Variants in CA10 observed in about 807,000 individuals in gnomAD.
CA10 encodes the protein carbonic anhydrase-related protein 10.
CA10 carries 14 observed loss-of-function variants against 44.2 expected under a neutral mutation model. That is an observed-to-expected ratio of 0.32 (90% confidence interval 0.21 to 0.50). The LOEUF is 0.50. CA10 is among the 20% of genes least tolerant of loss of function. The pLI is 0.99. For synonymous variants in CA10, 159 were observed against 141.6 expected (o/e 1.12, Z -0.87); for missense variants, 350 against 409.7 (o/e 0.85, Z 1.26).
At chr17:52,134,851 C>A (rs770074799) in intron 1 of CA10, 4 of 518,812 alleles carry the variant, frequency 7.7e-6, no homozygotes, top group African/African-American at 5.8e-5. Flanking sequence ...CATGCATGAG[C>A]CAGAACCCTG....
chr17:51,728,830 A>T (rs1357065460), intron 4 of CA10, among the ~76,000 whole-genome samples: 8 of 152,340 alleles, frequency 5.3e-5, no homozygotes, highest in African/African-American at 1.9e-4. Flanking sequence ...GTAAAAGGAG[A>T]TAGAAAATAA....
intron 3 of CA10, among the ~76,000 whole-genome samples, chr17:51,775,327 G>A (rs1239474407): frequency 6.6e-6 from 1 of 152,178 alleles, no homozygotes; most frequent in Non-Finnish European, 1.5e-5. Context: ...TGTGGACAAT[G>A]CTCTCAAATT....
At chr17:51,963,214 T>A (rs929877852) in intron 2 of CA10, among the ~76,000 whole-genome samples, 2 of 151,766 alleles carry the variant, frequency 1.3e-5, no homozygotes, top group African/African-American at 4.8e-5. Context: ...AGACAAAAAT[T>A]AAGAAAAAAA....
chr17:51,768,712 T>C (rs1905483558), intron 3 of CA10, among the ~76,000 whole-genome samples: 1 of 152,212 alleles, frequency 6.6e-6, no homozygotes, highest in Non-Finnish European at 1.5e-5. Flanking sequence ...TAGAAAACTT[T>C]GCTTATGCTT....
intron 3 of CA10, among the ~76,000 whole-genome samples, chr17:51,838,668 G>C (rs549968849): frequency 2.6e-5 from 4 of 152,340 alleles, no homozygotes; most frequent in Admixed American, 1.3e-4. Context: ...ATGAGACACT[G>C]CATAGTAAAG....
At position 51,642,468 on chromosome 17, in the gene CA10, G is replaced by A. The variant is rs115969535; in HGVS notation, c.635-6459C>T. On this transcript the variant is annotated intron_variant, in intron 6 of 8. Coordinates refer to ENST00000451037, the MANE Select transcript of CA10 (RefSeq NM_020178.5). ...CATCTTTTAGCTGAATAGAAGATCTGGGGGTTGGGGGAAGTAAAGCAAAGT... is the reference window on the plus strand; with the variant it reads ...CATCTTTTAGCTGAATAGAAGATCTAGGGGTTGGGGGAAGTAAAGCAAAGT... Among the ~76,000 whole-genome samples, 953 of 152,284 alleles carry A rather than the reference G, an allele frequency of 6.3e-3. 10 individuals carry two copies. Among genetic ancestry groups the A allele is most frequent in the African/African-American group, 0.022 (913 of 41,560 alleles).
At chr17:51,947,030 G>A (rs983197603) in intron 2 of CA10, among the ~76,000 whole-genome samples, 1 of 151,932 alleles carries the variant, frequency 6.6e-6, no homozygotes, top group African/African-American at 2.4e-5. Context: ...ATATTGATAA[G>A]CAGAGAGAAA....
At chr17:51,891,167 G>T (rs747961054) in intron 3 of CA10, among the ~76,000 whole-genome samples, 1 of 152,182 alleles carries the variant, frequency 6.6e-6, no homozygotes, top group Non-Finnish European at 1.5e-5. Flanking sequence ...TTACCACGGA[G>T]ACACTAAGGA....
chr17:51,871,394 A>ATTT (rs11438821), intron 3 of CA10, among the ~76,000 whole-genome samples: 919 of 81,276 alleles, frequency 0.011, 49 homozygotes, highest in South Asian at 0.054. Flanking sequence ...ACCAGGCCTA[A>ATTT]TTTTTTTTTT....
chr17:51,687,622 C>T (rs1915051630), intron 4 of CA10, among the ~76,000 whole-genome samples: 1 of 152,156 alleles, frequency 6.6e-6, no homozygotes, highest in Non-Finnish European at 1.5e-5. Context: ...AAGTTTTTGT[C>T]AATCCATAGT....
At chr17:51,759,717 C>T (rs2519749) in intron 3 of CA10, among the ~76,000 whole-genome samples, 103,362 of 151,838 alleles carry the variant, frequency 0.68, 35,310 homozygotes, top group Admixed American at 0.76. Context: ...GTCTTCCTCT[C>T]CTGAGCTTCC....
intron 1 of CA10, among the ~76,000 whole-genome samples, 194 bp from the exon 2 acceptor site, chr17:52,072,587 T>C (rs1246265331): frequency 6.6e-6 from 1 of 151,814 alleles, no homozygotes; most frequent in African/African-American, 2.4e-5. Context: ...AAAACATTTT[T>C]ATTGAAAGTT....
chr17:52,115,519 C>T (rs1277601931), intron 1 of CA10, among the ~76,000 whole-genome samples: 2 of 152,154 alleles, frequency 1.3e-5, no homozygotes, highest in African/African-American at 2.4e-5. Flanking sequence ...CAGTCCAGCC[C>T]AGTTTTTTCT....
At chr17:51,990,689 T>A (rs1985009140) in intron 2 of CA10, among the ~76,000 whole-genome samples, 1 of 152,124 alleles carries the variant, frequency 6.6e-6, no homozygotes, top group African/African-American at 2.4e-5. Context: ...CATGACTGCT[T>A]TTTGGAAAGG....
intron 2 of CA10, among the ~76,000 whole-genome samples, chr17:51,955,132 G>C (rs1439460080): frequency 6.6e-6 from 1 of 152,104 alleles, no homozygotes; most frequent in Non-Finnish European, 1.5e-5. Context: ...AAGGAATAGA[G>C]TGAAAAAGAG....
intron 2 of CA10, among the ~76,000 whole-genome samples, chr17:51,959,273 T>TCTCTCG (rs71149385): frequency 0.11 from 12,566 of 118,238 alleles, 925 homozygotes; most frequent in East Asian, 0.31. Flanking sequence ...TCTCTCTCGC[T>TCTCTCG]CTCTCTCTCT....
chr17:52,119,365 C>T (rs867383325), intron 1 of CA10, among the ~76,000 whole-genome samples: 4 of 152,168 alleles, frequency 2.6e-5, no homozygotes, highest in African/African-American at 9.7e-5. Flanking sequence ...GGGTATGCAT[C>T]CCGTTAAGGA....
intron 1 of CA10, among the ~76,000 whole-genome samples, chr17:52,078,243 G>A (rs975654303): frequency 5.9e-5 from 9 of 152,214 alleles, no homozygotes; most frequent in African/African-American, 2.2e-4. Context: ...CAACATCTGA[G>A]ATAGCACAGT....
intron 3 of CA10, among the ~76,000 whole-genome samples, chr17:51,929,406 C>T (rs1436119080): frequency 1.3e-5 from 2 of 152,146 alleles, no homozygotes; most frequent in Non-Finnish European, 2.9e-5. Flanking sequence ...CCGAACACTG[C>T]CTCAGGACCT....
Sources: allele counts gnomAD v4.1 joint callset (sites outside exome capture counted in the v4.1 genomes callset), GRCh38; gene constraint gnomAD v4.1.1; transcripts MANE v1.5; gene names NCBI Gene and HGNC (gene_info 2026-07-23, HGNC 2026-07-21).